Variants in LEPR observed in about 807,000 individuals in gnomAD.
LEPR encodes leptin receptor.
LEPR carries 56 observed loss-of-function variants against 114.7 expected under a neutral mutation model. The observed-to-expected ratio is 0.49, with a 90% confidence interval of 0.39 to 0.61. The LOEUF is 0.61. Ranked by LOEUF, LEPR falls within the 20% of genes least tolerant of loss-of-function variation. The pLI, the probability that LEPR is intolerant of heterozygous loss-of-function variation, is 0.00. For synonymous variants in LEPR, 443 were observed against 461.4 expected (o/e 0.96, Z 0.51); for missense variants, 1,202 against 1,352.9 (o/e 0.89, Z 1.75).
intron 2 of LEPR, chr1:65,432,213 T>C: frequency 1.9e-6 from 2 of 1,043,536 alleles, no homozygotes; most frequent in Non-Finnish European, 2.3e-6. Context: ...TGCCACCTTA[T>C]GCAGTGCATC....
At chr1:65,431,664 T>C in intron 2 of LEPR, 1 of 780,386 alleles carries the variant, frequency 1.3e-6, no homozygotes, top group Non-Finnish European at 2.0e-6. Context: ...CAGTTCATTG[T>C]CTCCTGTTAC....
chr1:65,577,733 T>G lies in LEPR; in HGVS notation c.494+5284T>G, dbSNP rs1654692810. The G allele has an allele frequency of 1.2e-5, 2 of 168,394 alleles. 1 individual carries two copies. The highest frequency in any genetic ancestry group is 4.9e-5 in the African/African-American group (2 of 40,900). 10.4% of individuals were successfully genotyped at this position (168,394 alleles called of 1,614,324 possible). A position where few individuals can be genotyped will look rare whatever the true frequency, so the allele number is the denominator to read the frequency against. On this transcript the variant is annotated intron_variant, in intron 5 of 19. Coordinates refer to ENST00000349533, the MANE Select transcript of LEPR (RefSeq NM_002303.6). Reference sequence around the variant, plus strand: ...TTGCTTCGAACTGTGGCTCTAGTAATAGACTTGGACCTTGAGTGAATCAGG... The same window carrying G: ...TTGCTTCGAACTGTGGCTCTAGTAAGAGACTTGGACCTTGAGTGAATCAGG...
chr1:65,491,764 G>C (rs1647884591), intron 2 of LEPR, among the ~76,000 whole-genome samples: 1 of 152,084 alleles, frequency 6.6e-6, no homozygotes, highest in Non-Finnish European at 1.5e-5. Flanking sequence ...GGAACATTGA[G>C]TTTCATTTTT....
chr1:65,434,394 T>G (rs909473522), intron 2 of LEPR: 1 of 985,412 alleles, frequency 1.0e-6, no homozygotes, highest in Non-Finnish European at 1.2e-6. Flanking sequence ...GAGATTGCAC[T>G]TCCAAAATTG....
intron 2 of LEPR, among the ~76,000 whole-genome samples, chr1:65,520,359 T>A (rs1407864700): frequency 6.6e-6 from 1 of 152,126 alleles, no homozygotes; most frequent in East Asian, 1.9e-4. Context: ...TACCCCAAGA[T>A]AACTTTGCCA....
At chr1:65,485,824 A>G (rs1206971110) in intron 2 of LEPR, among the ~76,000 whole-genome samples, 1 of 152,126 alleles carries the variant, frequency 6.6e-6, no homozygotes, top group Non-Finnish European at 1.5e-5. Context: ...TGTTGTCTGT[A>G]CAGACAGTAC....
chr1:65,540,108 T>A (rs1484580463), intron 2 of LEPR, among the ~76,000 whole-genome samples: 1 of 152,192 alleles, frequency 6.6e-6, no homozygotes, highest in Non-Finnish European at 1.5e-5. Flanking sequence ...AGGAGGTGAA[T>A]TACATACGCA....
At chr1:65,617,810 G>A (rs1657622617) in intron 15 of LEPR, among the ~76,000 whole-genome samples, 154 bp from the exon 16 acceptor site, 1 of 152,142 alleles carries the variant, frequency 6.6e-6, no homozygotes, top group Admixed American at 6.5e-5. Flanking sequence ...TGACTCTCAT[G>A]ATGCAAAAGT....
intron 10 of LEPR, among the ~76,000 whole-genome samples, chr1:65,604,635 C>T (rs1656688368): frequency 2.6e-5 from 4 of 152,182 alleles, no homozygotes; most frequent in Admixed American, 2.6e-4. Context: ...GTCTTTTAAA[C>T]TTGGGGTCCC....
intron 7 of LEPR, 64 bp from the exon 8 acceptor site, chr1:65,598,596 C>G: frequency 6.2e-7 from 1 of 1,602,146 alleles, no homozygotes; most frequent in Non-Finnish European, 8.5e-7. Context: ...TTAGCTTATC[C>G]TCACTTTTAG....
At chr1:65,608,389 C>T (rs796794775) in intron 11 of LEPR, among the ~76,000 whole-genome samples, 43 of 152,134 alleles carry the variant, frequency 2.8e-4, no homozygotes, top group African/African-American at 9.2e-4. Flanking sequence ...CGCCACCACG[C>T]GTGGCTAATT....
At chr1:65,449,754 A>T (rs565322575) in intron 2 of LEPR, among the ~76,000 whole-genome samples, 1 of 144,124 alleles carries the variant, frequency 6.9e-6, no homozygotes, top group African/African-American at 2.6e-5. Flanking sequence ...TTTCAATTTC[A>T]TTGATTTCTG....
Position 65,570,563 on chromosome 1 carries a change from A to C in LEPR, c.131A>C (p.Tyr44Ser). 7 of 1,614,020 alleles carry C rather than the reference A, an allele frequency of 4.3e-6. No individual in the cohort carries two copies. The highest frequency in any genetic ancestry group is 5.1e-6 in the Non-Finnish European group (6 of 1,179,958). The change falls in exon 4 of 20, where the codon TAT (tyrosine) becomes TCT (serine). Residue 44 changes from tyrosine to serine, a missense_variant. By Grantham distance (144) the Tyr-to-Ser change is moderately radical. Transcript: ENST00000349533. ...KLSCMPPNST[Y>S]DYFLLPAGLS... ...TCTTGCATGCCACCAAATTCAACCTATGACTACTTCCTTTTGCCTGCTGGA... is the reference window on the plus strand; with the variant it reads ...TCTTGCATGCCACCAAATTCAACCTCTGACTACTTCCTTTTGCCTGCTGGA...
Position 65,592,833 on chromosome 1 carries a change from C to A in LEPR, c.671C>A (p.Ser224Ter). The A allele has an allele frequency of 6.2e-7, 1 of 1,613,118 alleles. No homozygotes were observed. Among genetic ancestry groups the A allele is most frequent in the South Asian group, 1.1e-5 (1 of 91,016 alleles). ...ACATCTGGTGGAGTAATTTTCCAGT[C>A]ACCTCTAATGTCAGTTCAGCCCATA... ...KITSGGVIFQSPLMSVQPINM... is the reference protein window; with the variant it reads ...KITSGGVIFQ The change falls in exon 6 of 20, where the codon TCA becomes TAA. Residue 224 changes from serine to a stop codon, truncating the protein, a stop_gained. Transcript: ENST00000349533. LOFTEE classifies it high-confidence loss of function.
chr1:65,514,372 G>C (rs1649180280), intron 2 of LEPR, among the ~76,000 whole-genome samples: 1 of 152,198 alleles, frequency 6.6e-6, no homozygotes, highest in South Asian at 2.1e-4. Flanking sequence ...AGGCCTGTAG[G>C]AGCATCTGAA....
At chr1:65,508,757 A>G (rs1423983902) in intron 2 of LEPR, among the ~76,000 whole-genome samples, 1 of 152,018 alleles carries the variant, frequency 6.6e-6, no homozygotes, top group Non-Finnish European at 1.5e-5. Context: ...GATTGCAATG[A>G]CTCTGTAGAT....
rs748883994 is a variant in LEPR at position 65,619,912 on chromosome 1, G to A, written c.2396-16G>A. On this transcript the variant is annotated splice_polypyrimidine_tract_variant and intron_variant, in intron 16 of 19. Transcript: ENST00000349533. ...AATTTTGTATAAATGAGCCTTTTAC[G>A]TATTTTTCTCCTCAGATCATTTTAT... 96 of 1,589,866 alleles carry A rather than the reference G, an allele frequency of 6.0e-5. 1 individual carries two copies. The highest frequency in any genetic ancestry group is 1.1e-4 in the African/African-American group (8 of 74,276).
At chr1:65,565,177 A>C (rs1207485291) in intron 2 of LEPR, among the ~76,000 whole-genome samples, 1 of 152,234 alleles carries the variant, frequency 6.6e-6, no homozygotes, top group Non-Finnish European at 1.5e-5. Flanking sequence ...AGCATGAAAG[A>C]AATTGAAGAC....
chr1:65,609,281 T>C (rs2100966075), intron 12 of LEPR, among the ~76,000 whole-genome samples: 1 of 152,348 alleles, frequency 6.6e-6, no homozygotes, highest in East Asian at 1.9e-4. Context: ...TCATCTCATG[T>C]TCCCCAAACT....
Sources: gnomAD v4.1 joint callset for allele counts (sites outside exome capture counted in the v4.1 genomes callset) on GRCh38, gnomAD v4.1.1 for gene constraint, MANE v1.5 for transcripts, NCBI Gene and HGNC (gene_info 2026-07-23, HGNC 2026-07-21) for gene names.